The following LGALS3 variants were observed in gnomAD, a reference collection of about 807,000 sequenced individuals.
LGALS3 encodes the protein galectin-3.
Under a neutral mutation model 20.7 loss-of-function variants are expected in LGALS3, and 18 were observed. The observed-to-expected ratio is 0.87, with a 90% CI of 0.60 to 1.29. The LOEUF (loss-of-function observed/expected upper bound fraction) is 1.29. Among genes scored for constraint, LGALS3 ranks in the 50% most tolerant of loss-of-function variants. The pLI is 0.00. For synonymous variants in LGALS3, 112 were observed against 119.6 expected (o/e 0.94, Z 0.42); for missense variants, 315 against 314.7 (o/e 1.00, Z -0.01).
rs8012397 is a variant in LGALS3 at position 55,129,504 on chromosome 14, A to C, written c.-5+204A>C. On this transcript the variant is annotated intron_variant, in intron 1 of 5. Transcript: ENST00000254301. The surrounding 1 kb of genome is among the most constrained non-coding windows in gnomAD (Gnocchi z 5.3). ...GGGCCCGGGGCAGTCGCCTTTGATT[A>C]TCGAGGGCGCTGGCGTTCGGGGAAG... Among the ~76,000 whole-genome samples the C allele has an allele frequency of 0.23, 34,746 of 151,988 alleles. 7,366 individuals are homozygous for C. The highest frequency in any genetic ancestry group is 0.56 in the African/African-American group (23,405 of 41,450).
intron 1 of LGALS3, among the ~76,000 whole-genome samples, chr14:55,133,916 C>T (rs1881305483): frequency 1.3e-5 from 2 of 152,214 alleles, no homozygotes; most frequent in South Asian, 4.1e-4. Flanking sequence ...AAGGCAAATT[C>T]AGCTAGTTTT....
intron 4 of LGALS3, 162 bp downstream of exon 4, chr14:55,140,525 G>A (rs1881584172): frequency 9.1e-6 from 5 of 551,092 alleles, no homozygotes; most frequent in Non-Finnish European, 1.6e-5. Flanking sequence ...CCATCATATA[G>A]GATTATCCCA....
chr14:55,142,135 A>G lies in LGALS3; in HGVS notation c.432-449A>G, dbSNP rs897381094. 2.0e-5 allele frequency among the ~76,000 whole-genome samples: 3 copies of G among 152,226 alleles called. No homozygotes were observed. In the East Asian group the frequency reaches 5.8e-4, roughly 29 times the overall value. On this transcript the variant is annotated intron_variant, in intron 4 of 5. Transcript: ENST00000254301. Reference sequence around the variant, plus strand: ...GCTTCTGGTTAATTATGAGGAAGCCAGGTATTTGATGGCTGTTAACTATAT... The same window carrying G: ...GCTTCTGGTTAATTATGAGGAAGCCGGGTATTTGATGGCTGTTAACTATAT...
Position 55,129,748 on chromosome 14 carries a change from C to T in LGALS3, c.-5+448C>T, listed in dbSNP as rs1241663321. Among the ~76,000 whole-genome samples, 1 of 152,186 alleles carries T rather than the reference C, an allele frequency of 6.6e-6. No individual in the cohort carries two copies. Among genetic ancestry groups the T allele is most frequent in the Non-Finnish European group, 1.5e-5 (1 of 68,030 alleles). On this transcript the variant is annotated intron_variant, in intron 1 of 5. Transcript: ENST00000254301. This position sits in a 1 kb window ranked among gnomAD's most constrained non-coding sequence, Gnocchi z 5.3. ...GGGCTCGCTCAGCAAACCAGACGGC[C>T]GCTCCAGTTTCTCTAATTGGGGTTG...
intron 1 of LGALS3, among the ~76,000 whole-genome samples, chr14:55,133,322 AG>A (rs1283521848): frequency 2.0e-5 from 3 of 152,196 alleles, no homozygotes; most frequent in Non-Finnish European, 4.4e-5. Flanking sequence ...CCTTATGGTG[AG>A]AACACAGTAG....
In LGALS3 at chr14:55,145,267, T is replaced by C. The variant is rs753820905; in HGVS notation, c.749T>C (p.Ile250Thr). 1.2e-6 allele frequency: 2 copies of C among 1,612,840 alleles called. No homozygotes were observed. The highest frequency in any genetic ancestry group is 8.5e-7 in the Non-Finnish European group (1 of 1,179,692). Residue 250 changes from isoleucine to threonine, a missense_variant, in exon 6 of 6, where the codon ATA becomes ACA. Coordinates refer to ENST00000254301, the MANE Select transcript of LGALS3 (RefSeq NM_002306.4). ...CTCACCAGTGCTTCATATACCATGA[T>C]ATAATCTGAAAGGGGCAGATTAAAA... ...IDLTSASYTM[I>T]
intron 3 of LGALS3, 173 bp downstream of exon 3, chr14:55,138,541 C>T: frequency 1.3e-6 from 1 of 779,186 alleles, no homozygotes; most frequent in Admixed American, 1.8e-5. Context: ...TTAGTATAAA[C>T]AGAAGGTAAT....
intron 1 of LGALS3, among the ~76,000 whole-genome samples, chr14:55,130,581 C>G: frequency 7.1e-6 from 1 of 141,002 alleles, no homozygotes; most frequent in South Asian, 2.3e-4. Context: ...TTTTTTGAGA[C>G]GCAGTTTCGC....
chr14:55,135,495 T>C (rs911205874), intron 1 of LGALS3, among the ~76,000 whole-genome samples: 1 of 151,744 alleles, frequency 6.6e-6, no homozygotes, highest in African/African-American at 2.4e-5. Flanking sequence ...AAATGAAGCA[T>C]ATGTTAAGCC....
chr14:55,130,324 C>T (rs1222750037), intron 1 of LGALS3, among the ~76,000 whole-genome samples: 1 of 152,168 alleles, frequency 6.6e-6, no homozygotes. Context: ...TCAAGTTCGC[C>T]ATGCGGGTTC....
chr14:55,136,779 C>G (rs1594651268), intron 1 of LGALS3, among the ~76,000 whole-genome samples: 2 of 152,086 alleles, frequency 1.3e-5, no homozygotes, highest in East Asian at 3.9e-4. Flanking sequence ...TTTTTGTCAC[C>G]CATTAACTAT....
chr14:55,133,038 CAGTT>C (rs1406718873), intron 1 of LGALS3, among the ~76,000 whole-genome samples: 1 of 152,168 alleles, frequency 6.6e-6, no homozygotes, highest in Non-Finnish European at 1.5e-5. Context: ...ATGAATCACC[CAGTT>C]AGTTTTCTGA....
intron 5 of LGALS3, chr14:55,143,429 T>A: frequency 5.3e-6 from 2 of 378,640 alleles, no homozygotes; most frequent in South Asian, 3.8e-5. Flanking sequence ...AATAGCACTT[T>A]TTTTTTTTTT....
rs1881478532 is a variant in LGALS3, at chr14:55,138,181, G to A, written c.155G>A (p.Gly52Glu). 1 of 1,610,428 alleles carries A rather than the reference G, an allele frequency of 6.2e-7. No homozygotes were observed. Reference protein sequence around the residue: ...PGAYPGQAPPGAYPGQAPPGA... With the variant: ...PGAYPGQAPPEAYPGQAPPGA... ...GCCTACCCCGGGCAGGCACCCCCAG[G>A]GGCTTATCCTGGACAGGCACCTCCA... Residue 52 changes from glycine (G) to glutamate (E), a missense_variant, in exon 3 of 6, where the codon GGG becomes GAG. Gly to Glu is a moderately conservative substitution (Grantham distance 98). Transcript: ENST00000254301.
At position 55,138,210 on chromosome 14, in the gene LGALS3, G is replaced by A. The variant is rs374075223; in HGVS notation, c.184G>A (p.Ala62Thr). 6.8e-6 allele frequency: 11 copies of A among 1,612,770 alleles called. No individual in the cohort carries two copies. Among genetic ancestry groups the A allele is most frequent in the Middle Eastern group, 1.7e-4 (1 of 6,060 alleles). Residue 62 changes from alanine to threonine, a missense_variant, in exon 3 of 6, where the codon GCC (alanine) becomes ACC (threonine). Physicochemically the swap from Ala to Thr is moderately conservative, Grantham distance 58 (BLOSUM62 0). Coordinates refer to ENST00000254301, the MANE Select transcript of LGALS3 (RefSeq NM_002306.4). ...GAYPGQAPPG[A>T]YPGAPGAYPG... ...TTATCCTGGACAGGCACCTCCAGGC[G>A]CCTACCCTGGAGCACCTGGAGCTTA...
chr14:55,130,753 TGGGGGGGGG>T (rs752557592), intron 1 of LGALS3, among the ~76,000 whole-genome samples: 4 of 60,936 alleles, frequency 6.6e-5, no homozygotes, highest in Admixed American at 2.0e-4. Context: ...GTGGTGGTGG[TGGGGGGGGG>T]GGGGTCCCTC....
intron 1 of LGALS3, among the ~76,000 whole-genome samples, chr14:55,134,546 T>C (rs751391130): frequency 1.3e-5 from 2 of 152,234 alleles, no homozygotes; most frequent in Non-Finnish European, 2.9e-5. Flanking sequence ...GACTTTCTTT[T>C]TCTGAATTAA....
chr14:55,131,826 G>C (rs1235055437), intron 1 of LGALS3, among the ~76,000 whole-genome samples: 2 of 152,188 alleles, frequency 1.3e-5, no homozygotes, highest in Non-Finnish European at 2.9e-5. Context: ...GCTATGATGA[G>C]AAAGAAATCC....
At chr14:55,138,389 T>C in intron 3 of LGALS3, 21 bp downstream of exon 3, 1 of 1,611,842 alleles carries the variant, frequency 6.2e-7, no homozygotes, top group Non-Finnish European at 8.5e-7. Context: ...ATTCCTTCTT[T>C]CATGTACTTG....
Sources: gnomAD v4.1 joint callset for allele counts (sites outside exome capture counted in the v4.1 genomes callset) on GRCh38, gnomAD v4.1.1 for gene constraint, Gnocchi (gnomAD v3.1) non-coding constraint, MANE v1.5 for transcripts, NCBI Gene and HGNC (gene_info 2026-07-23, HGNC 2026-07-21) for gene names.